Variants in NELL1 observed in about 807,000 individuals in gnomAD.
NELL1 encodes protein kinase C-binding protein NELL1.
NELL1 carries 76 observed loss-of-function variants against 107.4 expected under a neutral mutation model. That is an observed-to-expected ratio of 0.71 (90% confidence interval 0.59 to 0.86). The LOEUF is 0.86. NELL1 is among the 40% of genes least tolerant of loss of function. The probability of loss-of-function intolerance (pLI) is 0.00; values close to 1 mark genes in which losing one functional copy is unlikely to be tolerated. For missense variants in NELL1, 1,024 were observed against 1,005.5 expected (o/e 1.02, Z -0.25); for synonymous variants, 353 against 341.2 (o/e 1.03, Z -0.38).
In NELL1 at chr11:21,459,357, C is replaced by CAAAA. The variant is rs59022976; in HGVS notation, c.1646-75007_1646-75004dup. Reference sequence around the variant, plus strand: ...TGAAAAGTTACAGTGTGTTCACTAGCAAAAAAAAAAAAAGTAGGATTTGAA... The same window carrying CAAAA: ...TGAAAAGTTACAGTGTGTTCACTAGCAAAAAAAAAAAAAAAAAGTAGGATTTGAA... On this transcript the variant is annotated intron_variant, in intron 15 of 19. Transcript: ENST00000357134. Among the ~76,000 whole-genome samples the CAAAA allele has an allele frequency of 5.6e-5, 7 of 124,592 alleles. 2 individuals carry two copies. The highest frequency in any genetic ancestry group is 9.3e-5 in the African/African-American group (3 of 32,348). 81.7% of individuals were successfully genotyped at this position (124,592 alleles called of 152,430 possible).
At chr11:21,394,130 T>A (rs1196783719) in intron 15 of NELL1, among the ~76,000 whole-genome samples, 1 of 151,590 alleles carries the variant, frequency 6.6e-6, no homozygotes, top group African/African-American at 2.4e-5. Flanking sequence ...TTCACATAAG[T>A]TAACTCCTTT....
chr11:21,282,438 C>T (rs917159459), intron 14 of NELL1, among the ~76,000 whole-genome samples: 1 of 146,662 alleles, frequency 6.8e-6, no homozygotes, highest in African/African-American at 2.5e-5. Flanking sequence ...TGACATCATA[C>T]CATGCACTCC....
At chr11:21,392,107 C>T (rs959961433) in intron 15 of NELL1, among the ~76,000 whole-genome samples, 1 of 151,596 alleles carries the variant, frequency 6.6e-6, no homozygotes, top group Non-Finnish European at 1.5e-5. Context: ...TAATTAATAC[C>T]CCTGTCTCAG....
intron 14 of NELL1, among the ~76,000 whole-genome samples, chr11:21,312,770 G>C (rs1030803733): frequency 6.6e-6 from 1 of 152,090 alleles, no homozygotes; most frequent in Non-Finnish European, 1.5e-5. Context: ...AAATAGACAG[G>C]AATGGATAAA....
At chr11:21,143,099 G>A (rs1172293161) in intron 13 of NELL1, among the ~76,000 whole-genome samples, 4 of 152,186 alleles carry the variant, frequency 2.6e-5, no homozygotes, top group Non-Finnish European at 2.9e-5. Context: ...CTGTATGCAC[G>A]TGAGTCTCCA....
At position 20,847,772 on chromosome 11, in the gene NELL1, G is replaced by A. The variant is rs769766572; in HGVS notation, c.506+19G>A. The A allele has an allele frequency of 3.8e-6, 6 of 1,593,182 alleles. No individual in the cohort carries two copies. In the Admixed American group the frequency reaches 1.1e-4, roughly 28 times the overall value. The stretch of plus-strand genomic sequence containing the variant: ...GTAACAGGTATTTCTTTGTCTTTGA[G>A]TGTTGCTGATTCTGCCCTTGAAATC... On this transcript the variant is annotated intron_variant, in intron 4 of 19. Coordinates refer to ENST00000357134, the MANE Select transcript of NELL1 (RefSeq NM_006157.5).
intron 12 of NELL1, among the ~76,000 whole-genome samples, chr11:20,988,035 G>T (rs1472708081): frequency 6.6e-6 from 1 of 151,694 alleles, no homozygotes; most frequent in Admixed American, 6.6e-5. Context: ...TGTGCTCAGC[G>T]TTCTGAGTCA....
intron 5 of NELL1, among the ~76,000 whole-genome samples, chr11:20,902,940 A>G (rs1849910296): frequency 6.6e-6 from 1 of 152,066 alleles, no homozygotes; most frequent in African/African-American, 2.4e-5. Flanking sequence ...ACAAAGAAAA[A>G]TGCATAGAAG....
rs531669609 is a variant in NELL1 at position 20,907,816 on chromosome 11, C to T, written c.604-10366C>T. ...AAAATTTTTGCAGTCTACTTACTGA[C>T]AAAAGTCTAATATCCAGAATTTACA... On this transcript the variant is annotated intron_variant, in intron 5 of 19. Coordinates refer to ENST00000357134, the MANE Select transcript of NELL1 (RefSeq NM_006157.5). 5.3e-5 allele frequency among the ~76,000 whole-genome samples: 8 copies of T among 152,156 alleles called. No homozygotes were observed. In the South Asian group the frequency reaches 1.7e-3, roughly 32 times the overall value.
At chr11:21,167,257 T>C (rs1009206872) in intron 13 of NELL1, among the ~76,000 whole-genome samples, 7 of 151,962 alleles carry the variant, frequency 4.6e-5, no homozygotes, top group African/African-American at 1.7e-4. Context: ...CACATACTTT[T>C]CAGTTTTAGG....
At chr11:21,148,587 G>T (rs188400824) in intron 13 of NELL1, among the ~76,000 whole-genome samples, 1 of 152,238 alleles carries the variant, frequency 6.6e-6, no homozygotes, top group Admixed American at 6.5e-5. Flanking sequence ...GATGAACAGC[G>T]TGGGATCAAC....
intron 13 of NELL1, among the ~76,000 whole-genome samples, chr11:21,195,776 C>T (rs1857139260): frequency 6.6e-6 from 1 of 152,126 alleles, no homozygotes; most frequent in African/African-American, 2.4e-5. Context: ...ATTTGAAGGG[C>T]TCAATGGCCA....
intron 2 of NELL1, among the ~76,000 whole-genome samples, chr11:20,685,094 T>C (rs946025466): frequency 6.6e-6 from 1 of 151,972 alleles, no homozygotes; most frequent in Non-Finnish European, 1.5e-5. Flanking sequence ...TCTAGGTGCC[T>C]TGGTCTCCCC....
intron 14 of NELL1, among the ~76,000 whole-genome samples, chr11:21,302,882 C>T (rs1340449312): frequency 6.6e-6 from 1 of 151,152 alleles, no homozygotes; most frequent in Non-Finnish European, 1.5e-5. Flanking sequence ...ATAGTGAGAC[C>T]CTATCTCTAC....
At chr11:20,739,168 C>A (rs903669996) in intron 2 of NELL1, among the ~76,000 whole-genome samples, 3 of 152,228 alleles carry the variant, frequency 2.0e-5, no homozygotes, top group Admixed American at 1.3e-4. Flanking sequence ...GTTGGACGCA[C>A]TGCCTGACAA....
chr11:20,970,074 TCCATCCATCC>T (rs1851466594), intron 12 of NELL1, among the ~76,000 whole-genome samples: 1 of 151,848 alleles, frequency 6.6e-6, no homozygotes, highest in Non-Finnish European at 1.5e-5. Context: ...CATCCATCCA[TCCATCCATCC>T]ATCCATCCAT....
chr11:20,991,821 C>T (rs958527947), intron 12 of NELL1, among the ~76,000 whole-genome samples: 1 of 152,056 alleles, frequency 6.6e-6, no homozygotes, highest in African/African-American at 2.4e-5. Context: ...TTACTTGCAG[C>T]AGCAGAGGAA....
At chr11:21,221,047 A>C (rs1857744077) in intron 13 of NELL1, among the ~76,000 whole-genome samples, 1 of 152,196 alleles carries the variant, frequency 6.6e-6, no homozygotes, top group Non-Finnish European at 1.5e-5. Context: ...TGCTGATTCT[A>C]TGCCTAATTC....
intron 12 of NELL1, among the ~76,000 whole-genome samples, chr11:20,994,769 A>C (rs1430208298): frequency 1.3e-5 from 2 of 152,182 alleles, no homozygotes; most frequent in Admixed American, 1.3e-4. Context: ...CCCTGGAGTT[A>C]CTCTAGTTAT....
Sources: allele counts gnomAD v4.1 joint callset (sites outside exome capture counted in the v4.1 genomes callset), GRCh38; gene constraint gnomAD v4.1.1; transcripts MANE v1.5; gene names NCBI Gene and HGNC (gene_info 2026-07-23, HGNC 2026-07-21).